The following CNTN4 variants were observed in gnomAD, a reference collection of about 807,000 sequenced individuals.
CNTN4 encodes the protein contactin-4.
A neutral mutation model predicts 122.5 loss-of-function variants in CNTN4; 77 were observed. The observed-to-expected ratio is 0.63, with a 90% confidence interval of 0.52 to 0.76. The LOEUF (loss-of-function observed/expected upper bound fraction) is 0.76, where lower values mean the gene tolerates loss of function less well. Among genes scored for constraint, CNTN4 ranks in the 30% least tolerant of loss-of-function variants. The pLI, the probability that CNTN4 is intolerant of heterozygous loss-of-function variation, is 0.00. For missense variants in CNTN4, 1,256 were observed against 1,259.1 expected (o/e 1.00, Z 0.04); for synonymous variants, 512 against 447.0 (o/e 1.15, Z -1.83).
intron 6 of CNTN4, among the ~76,000 whole-genome samples, chr3:2,795,764 C>T (rs1450482976): frequency 6.6e-6 from 1 of 151,998 alleles, no homozygotes; most frequent in Non-Finnish European, 1.5e-5. Context: ...TGGTGATCCA[C>T]CCGCCTCAGC....
intron 3 of CNTN4, among the ~76,000 whole-genome samples, chr3:2,478,675 C>T (rs2075900533): frequency 6.6e-6 from 1 of 152,158 alleles, no homozygotes; most frequent in Non-Finnish European, 1.5e-5. Flanking sequence ...TAAGTGAGAA[C>T]ATGCACTATT....
At chr3:2,167,507 A>G (rs2036252520) in intron 2 of CNTN4, among the ~76,000 whole-genome samples, 1 of 152,216 alleles carries the variant, frequency 6.6e-6, no homozygotes, top group Admixed American at 6.5e-5. Flanking sequence ...TGAATTGGAA[A>G]CATAAACATT....
chr3:2,791,601 CA>C (rs1375222806), intron 6 of CNTN4, among the ~76,000 whole-genome samples: 2 of 151,912 alleles, frequency 1.3e-5, no homozygotes, highest in South Asian at 4.2e-4. Flanking sequence ...AGTTCATGGA[CA>C]AGAAGAATGC....
intron 2 of CNTN4, among the ~76,000 whole-genome samples, chr3:2,323,755 T>C (rs563495461): frequency 4.0e-4 from 61 of 152,238 alleles, no homozygotes; most frequent in Non-Finnish European, 8.1e-4. Flanking sequence ...TCATGTGGGC[T>C]GCTTTAGTGC....
At chr3:2,101,941 C>T (rs1406463035) in intron 2 of CNTN4, among the ~76,000 whole-genome samples, 2 of 152,168 alleles carry the variant, frequency 1.3e-5, no homozygotes, top group East Asian at 3.9e-4. Context: ...TGTTCATCAT[C>T]TCTGATACTC....
chr3:2,191,772 G>A (rs1305960747), intron 2 of CNTN4, among the ~76,000 whole-genome samples: 1 of 151,796 alleles, frequency 6.6e-6, no homozygotes, highest in African/African-American at 2.4e-5. Flanking sequence ...GGGTACATGT[G>A]CACAACATGA....
At chr3:2,228,581 T>G (rs2039372441) in intron 2 of CNTN4, among the ~76,000 whole-genome samples, 1 of 152,118 alleles carries the variant, frequency 6.6e-6, no homozygotes, top group African/African-American at 2.4e-5. Context: ...ATAAGGGCTT[T>G]ATATACATTA....
intron 2 of CNTN4, among the ~76,000 whole-genome samples, chr3:2,151,393 C>T (rs2035488377): frequency 6.6e-6 from 1 of 152,134 alleles, no homozygotes; most frequent in Non-Finnish European, 1.5e-5. Context: ...AAAGAAGTAT[C>T]CAGGCAGAAG....
chr3:2,362,538 GC>G, intron 3 of CNTN4: 2 of 602,448 alleles, frequency 3.3e-6, no homozygotes, highest in Non-Finnish European at 6.2e-6. Context: ...TTCCTAAGAA[GC>G]CCATTCCTCG....
intron 6 of CNTN4, among the ~76,000 whole-genome samples, chr3:2,805,743 G>C (rs762803954): frequency 1.9e-4 from 29 of 152,062 alleles, no homozygotes; most frequent in African/African-American, 2.4e-5. Context: ...AAATTGGCCA[G>C]GTTTTTATCC....
chr3:2,502,475 G>A, intron 3 of CNTN4, among the ~76,000 whole-genome samples: 1 of 152,110 alleles, frequency 6.6e-6, no homozygotes, highest in East Asian at 1.9e-4. Flanking sequence ...ACCTCCTACA[G>A]TTGTGTAGCC....
At chr3:2,383,915 A>G (rs890715373) in intron 3 of CNTN4, among the ~76,000 whole-genome samples, 5 of 152,142 alleles carry the variant, frequency 3.3e-5, no homozygotes, top group South Asian at 2.1e-4. Context: ...CCACAAAATT[A>G]TAAGTCAAAC....
intron 4 of CNTN4, among the ~76,000 whole-genome samples, chr3:2,605,730 A>C (rs1284184124): frequency 1.3e-4 from 20 of 152,166 alleles, no homozygotes; most frequent in Admixed American, 1.3e-3. Context: ...AGTAATTATT[A>C]CTATATAGAT....
intron 6 of CNTN4, among the ~76,000 whole-genome samples, chr3:2,751,502 C>T (rs2149606283): frequency 6.6e-6 from 1 of 152,234 alleles, no homozygotes; most frequent in East Asian, 1.9e-4. Flanking sequence ...CACTCCCTTT[C>T]GTCCAGGAGC....
rs149261421 is a variant in CNTN4, at chr3:2,389,022, G to C, written c.-89+49789G>C. 3.3e-5 allele frequency among the ~76,000 whole-genome samples: 5 copies of C among 151,106 alleles called. No individual in the cohort carries two copies. In the South Asian group the frequency reaches 6.3e-4, roughly 19 times the overall value. Reference sequence around the variant, plus strand: ...AAAATACAAAAAAAATTAGCCAGGCGTGGTGGTGTGTGCCTGTAATCCCAG... The same window carrying C: ...AAAATACAAAAAAAATTAGCCAGGCCTGGTGGTGTGTGCCTGTAATCCCAG... On this transcript the variant is annotated intron_variant, in intron 3 of 24. Transcript: ENST00000418658.
At chr3:2,903,099 A>G in intron 12 of CNTN4, 94 bp downstream of exon 12, 1 of 1,281,042 alleles carries the variant, frequency 7.8e-7, no homozygotes, top group Non-Finnish European at 1.1e-6. Flanking sequence ...CAATCCAAGA[A>G]AAGGAGTAAA....
At chr3:2,167,969 C>A (rs185873631) in intron 2 of CNTN4, among the ~76,000 whole-genome samples, 7 of 152,146 alleles carry the variant, frequency 4.6e-5, no homozygotes, top group Non-Finnish European at 1.0e-4. Flanking sequence ...AAGACTCCAT[C>A]TCTACAAAAA....
chr3:2,226,490 C>A (rs1042055374), intron 2 of CNTN4, among the ~76,000 whole-genome samples: 1 of 152,168 alleles, frequency 6.6e-6, no homozygotes, highest in African/African-American at 2.4e-5. Flanking sequence ...GAAGTCAAAT[C>A]TTCTACACTG....
intron 3 of CNTN4, among the ~76,000 whole-genome samples, chr3:2,401,618 A>G (rs890899413): frequency 2.0e-5 from 3 of 152,166 alleles, no homozygotes; most frequent in Non-Finnish European, 2.9e-5. Flanking sequence ...CAATCTGAGT[A>G]ATTCAAGACT....
Sources: allele counts gnomAD v4.1 joint callset (sites outside exome capture counted in the v4.1 genomes callset), GRCh38; gene constraint gnomAD v4.1.1; transcripts MANE v1.5; gene names NCBI Gene and HGNC (gene_info 2026-07-23, HGNC 2026-07-21).